Variants in MAPRE2 observed in about 807,000 individuals in gnomAD.
MAPRE2 encodes the protein microtubule associated protein RP/EB family member 2, also known as microtubule-associated protein RP/EB family member 2.
A neutral mutation model predicts 43.2 loss-of-function variants in MAPRE2; 13 were observed. That is an observed-to-expected ratio of 0.30 (90% confidence interval 0.20 to 0.48). MAPRE2 has a LOEUF of 0.48. Among genes scored for constraint, MAPRE2 ranks in the 20% least tolerant of loss-of-function variants. The probability of loss-of-function intolerance (pLI) is 0.99; values close to 1 mark genes in which losing one functional copy is unlikely to be tolerated. For missense variants in MAPRE2, 161 were observed against 400.2 expected, an observed-to-expected ratio of 0.40 and a Z score of 5.10; for synonymous variants, 135 against 148.8, an observed-to-expected ratio of 0.91 and a Z score of 0.68.
intron 5 of MAPRE2, among the ~76,000 whole-genome samples, chr18:35,128,338 A>G (rs1486190535): frequency 6.6e-6 from 1 of 152,220 alleles, no homozygotes; most frequent in Non-Finnish European, 1.5e-5. Flanking sequence ...CTTGGTCCAC[A>G]TGCCTCAGGC....
intron 2 of MAPRE2, among the ~76,000 whole-genome samples, chr18:35,093,206 T>C (rs1908237853): frequency 1.4e-5 from 1 of 73,268 alleles, no homozygotes; most frequent in African/African-American, 7.3e-5. Context: ...AGCAAGACCC[T>C]GTCTCAAAAA....
At chr18:34,995,647 G>T (rs1264904356) in intron 1 of MAPRE2, among the ~76,000 whole-genome samples, 2 of 152,170 alleles carry the variant, frequency 1.3e-5, no homozygotes, top group Non-Finnish European at 2.9e-5. Context: ...AGAAAAAAGT[G>T]GTGTGCACCA....
chr18:35,118,611 A>G (rs987931832), intron 4 of MAPRE2, among the ~76,000 whole-genome samples: 1 of 152,158 alleles, frequency 6.6e-6, no homozygotes, highest in African/African-American at 2.4e-5. Context: ...GCCTTTCTGC[A>G]GCTCCCCTCA....
intron 2 of MAPRE2, among the ~76,000 whole-genome samples, chr18:35,088,041 T>C (rs1603399722): frequency 6.6e-6 from 1 of 152,180 alleles, no homozygotes; most frequent in East Asian, 1.9e-4. Context: ...GGCTGAACCC[T>C]CATGGACTGC....
intron 1 of MAPRE2, among the ~76,000 whole-genome samples, chr18:35,054,783 A>G (rs570947286): frequency 6.6e-6 from 1 of 152,066 alleles, no homozygotes; most frequent in African/African-American, 2.4e-5. Context: ...GGCTTTTAGG[A>G]CTCTTAACTA....
chr18:35,096,412 G>T (rs1316327384), intron 2 of MAPRE2, among the ~76,000 whole-genome samples: 1 of 152,190 alleles, frequency 6.6e-6, no homozygotes, highest in Admixed American at 6.5e-5. Flanking sequence ...AATGCCATTA[G>T]CCTATACTAG....
At chr18:35,102,194 A>G (rs950841745) in intron 4 of MAPRE2, 35 bp downstream of exon 4, 1 of 1,454,650 alleles carries the variant, frequency 6.9e-7, no homozygotes, top group Non-Finnish European at 9.3e-7. Flanking sequence ...AGTTGCTTTC[A>G]TCTTTGATAA....
chr18:35,142,017 C>T lies in MAPRE2; in HGVS notation c.*1648C>T, dbSNP rs1384024942. Reference sequence around the variant, plus strand: ...ATGGCTTGTATTTTTCAGATTATTACAACACACTGTGCAGAATTAGACAGA... The same window carrying T: ...ATGGCTTGTATTTTTCAGATTATTATAACACACTGTGCAGAATTAGACAGA... On this transcript the variant is annotated 3_prime_UTR_variant, in exon 7 of 7. Coordinates refer to ENST00000300249, the MANE Select transcript of MAPRE2 (RefSeq NM_014268.4). 1.3e-5 allele frequency: 2 copies of T among 152,214 alleles called. No homozygotes were observed. The highest frequency in any genetic ancestry group is 4.8e-5 in the African/African-American group (2 of 41,458). 9.4% of individuals were successfully genotyped at this position (152,214 alleles called of 1,614,324 possible). A position where few individuals can be genotyped will look rare whatever the true frequency, so the allele number is the denominator to read the frequency against.
upstream of MAPRE2, among the ~76,000 whole-genome samples, chr18:35,036,758 G>A (rs80013270): frequency 6.6e-6 from 1 of 152,064 alleles, no homozygotes; most frequent in Non-Finnish European, 1.5e-5. Flanking sequence ...TTTCTCATTA[G>A]GGTTGTTGTG....
At chr18:35,054,040 T>C (rs1253999679) in intron 1 of MAPRE2, among the ~76,000 whole-genome samples, 6 of 152,242 alleles carry the variant, frequency 3.9e-5, no homozygotes, top group Non-Finnish European at 1.5e-5. Flanking sequence ...AGCCAAAGCG[T>C]TGGATGCCCC....
intron 1 of MAPRE2, among the ~76,000 whole-genome samples, chr18:35,061,191 A>C (rs1037559640): frequency 1.3e-5 from 2 of 152,210 alleles, no homozygotes; most frequent in Non-Finnish European, 2.9e-5. Context: ...TTGGAATGAT[A>C]GGCAGCCTGG....
At chr18:35,095,003 C>T (rs1908336406) in intron 2 of MAPRE2, among the ~76,000 whole-genome samples, 2 of 152,130 alleles carry the variant, frequency 1.3e-5, no homozygotes, top group Non-Finnish European at 2.9e-5. Context: ...AGCATCTCCC[C>T]AGGTAGTAGG....
At chr18:34,990,035 C>T (rs1392441172) in intron 1 of MAPRE2, among the ~76,000 whole-genome samples, 2 of 152,124 alleles carry the variant, frequency 1.3e-5, no homozygotes, top group African/African-American at 4.8e-5. Flanking sequence ...ATTTCCACAT[C>T]CCCAGATTCT....
At chr18:35,133,025 G>A (rs779072542) in intron 6 of MAPRE2, among the ~76,000 whole-genome samples, 25 of 152,194 alleles carry the variant, frequency 1.6e-4, no homozygotes, top group Non-Finnish European at 1.5e-4. Flanking sequence ...GCTGATGCTA[G>A]TGGAAGTGTC....
intron 3 of MAPRE2, among the ~76,000 whole-genome samples, chr18:35,098,413 A>G (rs1908521556): frequency 6.6e-6 from 1 of 152,222 alleles, no homozygotes; most frequent in African/African-American, 2.4e-5. Context: ...AAAATAAAAT[A>G]TCAGGTTATA....
chr18:35,076,720 G>C (rs552725243), intron 2 of MAPRE2, among the ~76,000 whole-genome samples: 3 of 152,214 alleles, frequency 2.0e-5, no homozygotes, highest in African/African-American at 7.2e-5. Flanking sequence ...CATCACATGA[G>C]TATGTGAGAA....
rs114016385 is a variant in MAPRE2 at position 35,092,904 on chromosome 18, G to C, written c.251-4542G>C. ...CCACAGTGAGACATCACCTCACCCC[G>C]ATTAGAATGGCTATTATCAAAAAGA... On this transcript the variant is annotated intron_variant, in intron 2 of 6. Coordinates refer to ENST00000300249, the MANE Select transcript of MAPRE2 (RefSeq NM_014268.4). Among the ~76,000 whole-genome samples the C allele has an allele frequency of 8.8e-3, 1,344 of 152,174 alleles. 22 individuals carry two copies. Among genetic ancestry groups the C allele is most frequent in the African/African-American group, 0.03 (1,263 of 41,512 alleles).
chr18:34,994,986 A>G (rs1023930160), intron 1 of MAPRE2, among the ~76,000 whole-genome samples: 1 of 152,196 alleles, frequency 6.6e-6, no homozygotes, highest in Non-Finnish European at 1.5e-5. Context: ...GTATTAACTT[A>G]TACCAGTATG....
At chr18:35,023,265 C>A (rs1331764292) in intron 2 of MAPRE2, among the ~76,000 whole-genome samples, 2 of 152,074 alleles carry the variant, frequency 1.3e-5, no homozygotes, top group African/African-American at 2.4e-5. Context: ...GTAATCCCAG[C>A]ACTTTGGGAG....
Sources: allele counts gnomAD v4.1 joint callset (sites outside exome capture counted in the v4.1 genomes callset), GRCh38; gene constraint gnomAD v4.1.1; transcripts MANE v1.5; gene names NCBI Gene and HGNC (gene_info 2026-07-23, HGNC 2026-07-21).